HDLBP: variants seen among roughly 807,000 people sequenced by gnomAD.
HDLBP encodes high density lipoprotein binding protein.
In HDLBP, 30 loss-of-function variants were observed where a neutral mutation model predicts 137.3. The ratio of observed to expected loss-of-function variants is 0.22; its 90% CI spans 0.16 to 0.30. The LOEUF (loss-of-function observed/expected upper bound fraction) is 0.30, where lower values mean the gene tolerates loss of function less well. HDLBP is among the 10% of genes least tolerant of loss of function. The pLI is 1.00. For missense variants in HDLBP, 1,119 were observed against 1,667.3 expected (o/e 0.67, Z 5.73); for synonymous variants, 606 against 596.0 (o/e 1.02, Z -0.24).
rs1444255918 is a variant in HDLBP, at chr2:241,239,664, T to C, written c.2548A>G (p.Lys850Glu). 6.2e-7 allele frequency: 1 copy of C among 1,614,064 alleles called. No individual in the cohort carries two copies. Among genetic ancestry groups the C allele is most frequent in the Non-Finnish European group, 8.5e-7 (1 of 1,180,030 alleles). The stretch of plus-strand genomic sequence containing the variant: ...GCCTCCACACAGTCCTTGGCGCCCT[T>C]GAGGGTGACTTTGTCGCTCTGTGTG... Reference protein sequence around the residue: ...SGTQSDKVTLKGAKDCVEAAK... With the variant: ...SGTQSDKVTLEGAKDCVEAAK... Residue 850 changes from lysine to glutamate, a missense_variant, in exon 19 of 28, where the codon AAG becomes GAG. This residue lies in a region of HDLBP where 618 missense variants were observed against 816.7 expected (regional missense o/e 0.76). Transcript: ENST00000310931. This position sits in a 1 kb window ranked among gnomAD's most constrained non-coding sequence, Gnocchi z 4.6.
At chr2:241,310,185 A>C (rs1266282412) in intron 1 of HDLBP, among the ~76,000 whole-genome samples, 2 of 152,248 alleles carry the variant, frequency 1.3e-5, no homozygotes, top group Non-Finnish European at 2.9e-5. Flanking sequence ...AAAATAGGTT[A>C]TAAAATAGGA....
chr2:241,256,343 A>G lies in HDLBP; in HGVS notation c.714T>C (p.Ala238=). ...CGCCAACCAGTCTATTATACGGCCC[A>G]GCGATGAAGGGGTGGAATGCCTTTT... ...EVEKAFHPFI[A]GPYNRLVGEI... The change falls in exon 7 of 28, where the codon GCT becomes GCC. Residue 238 remains alanine (A), a synonymous_variant. Coordinates refer to ENST00000310931, the MANE Select transcript of HDLBP (RefSeq NM_005336.6). 6.2e-7 allele frequency: 1 copy of G among 1,613,990 alleles called. No homozygotes were observed. The highest frequency in any genetic ancestry group is 8.5e-7 in the Non-Finnish European group (1 of 1,179,932).
At position 241,270,903 on chromosome 2, in the gene HDLBP, G is replaced by C. The variant is rs1057432305; in HGVS notation, c.-102-2362C>G. ...CATCGGGTATCTCAGATTCTCACTG[G>C]ATCTAACAGTACTGTCCAAATCAGG... On this transcript the variant is annotated intron_variant, in intron 1 of 27. Transcript: ENST00000310931. 7 of 868,036 alleles carry C rather than the reference G, an allele frequency of 8.1e-6. No homozygotes were observed. In the African/African-American group the frequency reaches 1.3e-4, roughly 16 times the overall value. The allele number at this position is 868,036 out of a possible 1,614,324, so 53.8% of individuals were successfully genotyped here. A position where few individuals can be genotyped will look rare whatever the true frequency, so the allele number is the denominator to read the frequency against.
chr2:241,249,786 G>C (rs2071976473), intron 12 of HDLBP, 55 bp downstream of exon 12: 4 of 1,517,042 alleles, frequency 2.6e-6, no homozygotes, highest in Non-Finnish European at 3.5e-6. Context: ...TCCTTAGAGG[G>C]GGCCAAGAGA....
rs2070245409 is a variant in HDLBP at position 241,235,106 on chromosome 2, C to T, written c.3144+15G>A. ...ACCATGGCTCTGGGCAGTGCCCCGG[C>T]CACCTCCTGCTCACCCGGTCCTCCT... On this transcript the variant is annotated intron_variant, in intron 23 of 27. Coordinates refer to ENST00000310931, the MANE Select transcript of HDLBP (RefSeq NM_005336.6). The T allele has an allele frequency of 6.2e-7, 1 of 1,610,722 alleles. No individual in the cohort carries two copies. The highest frequency in any genetic ancestry group is 2.2e-5 in the East Asian group (1 of 44,882).
At chr2:241,259,519 G>GACAGGCTCTC (rs144426547) in intron 5 of HDLBP, among the ~76,000 whole-genome samples, 48,101 of 151,848 alleles carry the variant, frequency 0.32, 8,302 homozygotes, top group East Asian at 0.51. Flanking sequence ...CCTTTTCTGG[G>GACAGGCTCTC]ACTCTGTCAC....
At chr2:241,281,171 C>A (rs2074584887) in intron 1 of HDLBP, among the ~76,000 whole-genome samples, 2 of 152,094 alleles carry the variant, frequency 1.3e-5, no homozygotes, top group African/African-American at 4.8e-5. Context: ...GCCTGACCAA[C>A]AGGGAGAAAC....
chr2:241,255,441 G>A lies in HDLBP; in HGVS notation c.1013C>T (p.Ser338Phe). Residue 338 changes from serine (S) to phenylalanine (F), a missense_variant, in exon 8 of 28, where the codon TCT (serine) becomes TTT (phenylalanine). Coordinates refer to ENST00000310931, the MANE Select transcript of HDLBP (RefSeq NM_005336.6). ...SVEIPPSDSI[S>F]ETVILRGEPE... ...TTCGCCTCGAAGTATTACAGTCTCA[G>A]AGATGCTGTCTGAGGGTGGGATCTC... is the stretch of plus-strand genomic sequence containing the variant. The A allele has an allele frequency of 3.1e-6, 5 of 1,614,248 alleles. No individual in the cohort carries two copies. Among genetic ancestry groups the A allele is most frequent in the Non-Finnish European group, 4.2e-6 (5 of 1,180,034 alleles).
intron 1 of HDLBP, among the ~76,000 whole-genome samples, chr2:241,284,027 G>A (rs1424662829): frequency 5.4e-5 from 8 of 148,156 alleles, no homozygotes; most frequent in Non-Finnish European, 4.5e-5. Context: ...CTACTGCCCA[G>A]AAAAAAAAAA....
At chr2:241,265,637 G>T (rs2073602984) in intron 3 of HDLBP, among the ~76,000 whole-genome samples, 1 of 152,220 alleles carries the variant, frequency 6.6e-6, no homozygotes, top group African/African-American at 2.4e-5. Context: ...GACTGAGCAT[G>T]GCGTCTTGGC....
At position 241,268,461 on chromosome 2, in the gene HDLBP, A is replaced by G; in HGVS notation, c.-38+16T>C. ...CAGCCCAGGGACAGGAAGTCTTCAG[A>G]CAGGGTCAAACTTACCAGCAAAACG... is the stretch of plus-strand genomic sequence containing the variant. On this transcript the variant is annotated intron_variant, in intron 2 of 27. Coordinates refer to ENST00000310931, the MANE Select transcript of HDLBP (RefSeq NM_005336.6). The G allele has an allele frequency of 5.1e-6, 5 of 985,926 alleles. No homozygotes were observed. Among genetic ancestry groups the G allele is most frequent in the Non-Finnish European group, 6.0e-6 (5 of 829,982 alleles). The allele number at this position is 985,926 out of a possible 1,614,324, so 61.1% of individuals were successfully genotyped here. A position where few individuals can be genotyped will look rare whatever the true frequency, so the allele number is the denominator to read the frequency against.
chr2:241,281,082 G>A (rs769158995), intron 1 of HDLBP, among the ~76,000 whole-genome samples: 7 of 152,332 alleles, frequency 4.6e-5, no homozygotes, highest in South Asian at 2.1e-4. Flanking sequence ...GGGGCTGGGC[G>A]CGGTGGCTCA....
At chr2:241,304,682 G>A (rs1310358843) in intron 1 of HDLBP, among the ~76,000 whole-genome samples, 3 of 152,206 alleles carry the variant, frequency 2.0e-5, no homozygotes, top group Admixed American at 6.5e-5. Flanking sequence ...ACTTTACAGC[G>A]TGTATTTCAG....
Position 241,293,239 on chromosome 2 carries a change from TC to T in HDLBP, c.-103+22330del, listed in dbSNP as rs577296768. On this transcript the variant is annotated intron_variant, in intron 1 of 27. Coordinates refer to ENST00000310931, the MANE Select transcript of HDLBP (RefSeq NM_005336.6). The stretch of plus-strand genomic sequence containing the variant: ...GGTGCAGTGTCTCAAACCTGTAATC[TC>T]AGCACTTTAGGATCACTTAAGCCCA... Among the ~76,000 whole-genome samples the T allele has an allele frequency of 4.9e-3, 746 of 152,022 alleles. 5 individuals are homozygous for T. The highest frequency in any genetic ancestry group is 0.017 in the African/African-American group (705 of 41,488).
Position 241,271,178 on chromosome 2 carries a change from C to A in HDLBP, c.-102-2637G>T, listed in dbSNP as rs963197700. On this transcript the variant is annotated intron_variant, in intron 1 of 27. Coordinates refer to ENST00000310931, the MANE Select transcript of HDLBP (RefSeq NM_005336.6). Reference sequence around the variant, plus strand: ...TCAGTCCCTCCCATATGGCCCCAGTCCCTTCGTGATTCTGGCTCTCCCAAC... The same window carrying A: ...TCAGTCCCTCCCATATGGCCCCAGTACCTTCGTGATTCTGGCTCTCCCAAC... 6.2e-6 allele frequency: 6 copies of A among 970,730 alleles called. No individual in the cohort carries two copies. The African/African-American group carries it at 1.1e-4, about 17-fold the overall frequency. The allele number at this position is 970,730 out of a possible 1,614,324, so 60.1% of individuals were successfully genotyped here.
intron 3 of HDLBP, 43 bp downstream of exon 3, chr2:241,266,751 T>C: frequency 8.1e-7 from 1 of 1,236,216 alleles, no homozygotes; most frequent in East Asian, 2.3e-5. Flanking sequence ...GAGGGAGCAA[T>C]GCCTTAGACA....
chr2:241,309,531 C>T (rs1037070799), intron 1 of HDLBP, among the ~76,000 whole-genome samples: 1 of 152,154 alleles, frequency 6.6e-6, no homozygotes, highest in Admixed American at 6.5e-5. Flanking sequence ...AATCCTGTAT[C>T]GGCAATGGGG....
At position 241,276,803 on chromosome 2, in the gene HDLBP, G is replaced by A. The variant is rs1451098471; in HGVS notation, c.-102-8262C>T. On this transcript the variant is annotated intron_variant, in intron 1 of 27. Coordinates refer to ENST00000310931, the MANE Select transcript of HDLBP (RefSeq NM_005336.6). The stretch of plus-strand genomic sequence containing the variant: ...CAAAACATATAAAGTAAAAACTGAA[G>A]GTTACTAGGAGAAATTGATATATCC... Among the ~76,000 whole-genome samples, 4 of 152,000 alleles carry A rather than the reference G, an allele frequency of 2.6e-5. No homozygotes were observed. In the East Asian group the frequency reaches 7.7e-4, roughly 29 times the overall value.
chr2:241,231,464 A>G (rs905237470), intron 24 of HDLBP: 1 of 152,562 alleles, frequency 6.6e-6, no homozygotes, highest in Non-Finnish European at 1.5e-5. Context: ...ACTCTACCCA[A>G]AAGACAGTGA....
Sources: gnomAD v4.1 joint callset for allele counts (sites outside exome capture counted in the v4.1 genomes callset) on GRCh38, gnomAD v4.1.1 for gene constraint, gnomAD v4.1.1 regional missense constraint, Gnocchi (gnomAD v3.1) non-coding constraint, MANE v1.5 for transcripts, NCBI Gene and HGNC (gene_info 2026-07-23, HGNC 2026-07-21) for gene names.